The following DGLUCY variants were observed in gnomAD, a reference collection of about 807,000 sequenced individuals.
DGLUCY encodes the protein D-glutamate cyclase, mitochondrial.
In DGLUCY, 58 loss-of-function variants were observed where a neutral mutation model predicts 58.5. The observed-to-expected ratio is 0.99, with a 90% CI of 0.80 to 1.23. The LOEUF is 1.23. Among genes scored for constraint, DGLUCY ranks in the 50% most tolerant of loss-of-function variants. DGLUCY has a pLI of 0.00. For synonymous variants in DGLUCY, 325 were observed against 314.1 expected, an observed-to-expected ratio of 1.03 and a Z score of -0.37; for missense variants, 779 against 784.7, an observed-to-expected ratio of 0.99 and a Z score of 0.09.
upstream of DGLUCY, among the ~76,000 whole-genome samples, chr14:91,109,084 A>G (rs149263613): frequency 7.7e-4 from 118 of 152,306 alleles, 1 homozygote; most frequent in African/African-American, 2.7e-3. Context: ...AAACAACTGA[A>G]AAGACACAAT....
chr14:91,195,340 G>A (rs905245041), intron 9 of DGLUCY, among the ~76,000 whole-genome samples: 1 of 152,194 alleles, frequency 6.6e-6, no homozygotes, highest in African/African-American at 2.4e-5. Context: ...TGGGATTTTT[G>A]TGTATTTCCC....
In DGLUCY at chr14:91,096,524, C is replaced by T. The variant is rs1255428389; in HGVS notation, c.-82+35820C>T. On this transcript the variant is annotated intron_variant, in intron 1 of 4. Transcript: ENST00000521334. Reference sequence around the variant, plus strand: ...ACTCCTCCTGGGGCCAAGTCAGTAACGGATGGAGGAGTTTGTACAGCTATA... The same window carrying T: ...ACTCCTCCTGGGGCCAAGTCAGTAATGGATGGAGGAGTTTGTACAGCTATA... 5.3e-5 allele frequency among the ~76,000 whole-genome samples: 8 copies of T among 152,110 alleles called. No individual in the cohort carries two copies. The East Asian group carries it at 5.8e-4, about 11-fold the overall frequency.
intron 6 of DGLUCY, chr14:91,173,686 T>A: frequency 2.3e-6 from 1 of 440,486 alleles, no homozygotes; most frequent in Non-Finnish European, 3.9e-6. Flanking sequence ...GCAAAGGCCC[T>A]GAACAAGGCT....
upstream of DGLUCY, among the ~76,000 whole-genome samples, chr14:91,106,787 G>A (rs530489150): frequency 2.0e-3 from 307 of 151,970 alleles, no homozygotes; most frequent in South Asian, 0.017. Context: ...ATTAAGTTCT[G>A]TTTCAGGTTA....
chr14:91,209,630 C>T (rs1379340227), intron 12 of DGLUCY, among the ~76,000 whole-genome samples: 3 of 152,108 alleles, frequency 2.0e-5, no homozygotes, highest in African/African-American at 7.2e-5. Flanking sequence ...ATCGCTTTAA[C>T]CCGGGAGGCG....
chr14:91,121,609 A>AAATAATAATAAT (rs55743510), intron 1 of DGLUCY, among the ~76,000 whole-genome samples: 9 of 142,796 alleles, frequency 6.3e-5, no homozygotes, highest in African/African-American at 1.5e-4. Context: ...TCCATCTCAA[A>AAATAATAATAAT]AATAATAATA....
chr14:91,150,355 A>G (rs867951448), intron 1 of DGLUCY, among the ~76,000 whole-genome samples: 6 of 152,184 alleles, frequency 3.9e-5, no homozygotes, highest in Middle Eastern at 3.4e-3. Context: ...TATTCAAGAC[A>G]CACACTGAGT....
chr14:91,153,116 C>G (rs369320118), intron 1 of DGLUCY, among the ~76,000 whole-genome samples: 1 of 152,080 alleles, frequency 6.6e-6, no homozygotes, highest in African/African-American at 2.4e-5. Context: ...CCTCCCTGGC[C>G]GCCTTTTCTC....
At chr14:91,083,009 T>A (rs780747988) in intron 1 of DGLUCY, among the ~76,000 whole-genome samples, 1 of 152,168 alleles carries the variant, frequency 6.6e-6, no homozygotes, top group Non-Finnish European at 1.5e-5. Context: ...CCTCCTGCGT[T>A]GGCCTCCAAA....
At chr14:91,204,554 G>A in intron 11 of DGLUCY, 152 bp from the exon 12 acceptor site, 1 of 1,019,518 alleles carries the variant, frequency 9.8e-7, no homozygotes, top group Non-Finnish European at 1.4e-6. Flanking sequence ...GGCCTAAGGG[G>A]AAGTACCACA....
intron 13 of DGLUCY, among the ~76,000 whole-genome samples, chr14:91,217,017 C>G (rs1400395820): frequency 6.6e-6 from 1 of 152,212 alleles, no homozygotes; most frequent in Non-Finnish European, 1.5e-5. Context: ...AAGCTCCGCC[C>G]CCAACACCAA....
intron 4 of DGLUCY, among the ~76,000 whole-genome samples, chr14:91,168,312 T>C (rs921983704): frequency 3.1e-5 from 3 of 96,816 alleles, no homozygotes; most frequent in African/African-American, 1.3e-4. Flanking sequence ...CATCTTCTTA[T>C]GGCTTGGACC....
At chr14:91,193,357 C>T (rs1413350795) in intron 9 of DGLUCY, among the ~76,000 whole-genome samples, 1 of 152,160 alleles carries the variant, frequency 6.6e-6, no homozygotes, top group East Asian at 1.9e-4. Context: ...GACAGCCTGG[C>T]TTGGAGACGC....
intron 1 of DGLUCY, among the ~76,000 whole-genome samples, chr14:91,078,105 T>G (rs1049211550): frequency 1.2e-4 from 18 of 152,114 alleles, no homozygotes; most frequent in Non-Finnish European, 2.2e-4. Flanking sequence ...CTCAGCTCAC[T>G]GCAACCTCCG....
intron 1 of DGLUCY, among the ~76,000 whole-genome samples, chr14:91,098,878 A>G (rs1379471845): frequency 6.6e-6 from 1 of 152,242 alleles, no homozygotes; most frequent in Admixed American, 6.5e-5. Context: ...CAGTTAATGA[A>G]TGCTTAGCAA....
At chr14:91,143,695 A>G (rs1037752459) in intron 1 of DGLUCY, among the ~76,000 whole-genome samples, 13 of 152,002 alleles carry the variant, frequency 8.6e-5, no homozygotes, top group African/African-American at 2.4e-4. Flanking sequence ...TGGGGGGACA[A>G]TATACCTGTG....
chr14:91,179,746 G>A (rs1436953684), intron 7 of DGLUCY, among the ~76,000 whole-genome samples: 7 of 147,136 alleles, frequency 4.8e-5, no homozygotes, highest in South Asian at 4.2e-4. Context: ...GCAAGGTTCC[G>A]TCTCCAAAAA....
intron 1 of DGLUCY, among the ~76,000 whole-genome samples, chr14:91,137,182 A>G (rs1272221120): frequency 6.8e-6 from 1 of 147,876 alleles, no homozygotes; most frequent in Non-Finnish European, 1.5e-5. Flanking sequence ...TATGTTGTCC[A>G]GGCTGGTCTC....
chr14:91,140,373 A>G (rs1490006900), intron 1 of DGLUCY, among the ~76,000 whole-genome samples: 2 of 152,276 alleles, frequency 1.3e-5, no homozygotes, highest in South Asian at 2.1e-4. Flanking sequence ...GTGATTATCT[A>G]AAGAAAATAA....
Sources: allele counts gnomAD v4.1 joint callset (sites outside exome capture counted in the v4.1 genomes callset), GRCh38; gene constraint gnomAD v4.1.1; transcripts MANE v1.5; gene names NCBI Gene and HGNC (gene_info 2026-07-23, HGNC 2026-07-21).